PWWP3A: variants seen among roughly 807,000 people sequenced by gnomAD.
PWWP3A encodes PWWP domain-containing DNA repair factor 3A.
Under a neutral mutation model 79.0 loss-of-function variants are expected in PWWP3A, and 53 were observed. That is an observed-to-expected ratio of 0.67 (90% CI 0.54 to 0.84). The LOEUF is 0.84. Ranked by LOEUF, PWWP3A falls within the 40% of genes least tolerant of loss-of-function variation. The pLI is 0.00. For missense variants in PWWP3A, 973 were observed against 948.0 expected (o/e 1.03, Z -0.35); for synonymous variants, 443 against 394.4 (o/e 1.12, Z -1.46).
chr19:1,373,234 A>C (rs2082299910), intron 13 of PWWP3A, 74 bp downstream of exon 13: 1 of 1,364,072 alleles, frequency 7.3e-7, no homozygotes, highest in Admixed American at 1.9e-5. Flanking sequence ...ACCCACAGGC[A>C]GTTTGACTCC....
At position 1,360,942 on chromosome 19, in the gene PWWP3A, A is replaced by G. The variant is rs1210075619; in HGVS notation, c.1021A>G (p.Ser341Gly). The change falls in exon 5 of 14, where the codon AGC becomes GGC. Residue 341 changes from serine to glycine, a missense_variant. By Grantham distance (56) the Ser-to-Gly change is moderately conservative. Coordinates refer to ENST00000591337, the MANE Select transcript of PWWP3A (RefSeq NM_001369789.1). The surrounding 1 kb of genome is among the most constrained non-coding windows in gnomAD (Gnocchi z 4.4). ...GCCCAGAGAGTCTGTGACCCCGCGCAGCACCGCCAGGCTGGGCCCGCCTCC... is the reference window on the plus strand; with the variant it reads ...GCCCAGAGAGTCTGTGACCCCGCGCGGCACCGCCAGGCTGGGCCCGCCTCC... ...PGPRESVTPR[S>G]TARLGPPPSH... 4.0e-6 allele frequency: 6 copies of G among 1,505,700 alleles called. No homozygotes were observed. The Admixed American group carries it at 7.1e-5, about 18-fold the overall frequency. 93.3% of individuals were successfully genotyped at this position (1,505,700 alleles called of 1,614,324 possible).
At chr19:1,359,892 G>C in intron 4 of PWWP3A, 1 of 407,670 alleles carries the variant, frequency 2.5e-6, no homozygotes, top group Non-Finnish European at 4.3e-6. Context: ...AGCCAATCAG[G>C]TTAAGGTCAA....
At chr19:1,364,161 C>T (rs1253032144) in intron 6 of PWWP3A, 3 of 539,476 alleles carry the variant, frequency 5.6e-6, no homozygotes, top group Non-Finnish European at 1.1e-5. Flanking sequence ...AAGTGTCTTC[C>T]CGCGGGGTTT....
intron 12 of PWWP3A, chr19:1,371,296 C>T (rs760958251): frequency 2.5e-4 from 183 of 719,440 alleles, no homozygotes; most frequent in Middle Eastern, 2.5e-3. Flanking sequence ...TACTTGACCC[C>T]TGTGCAGAGA....
At position 1,360,553 on chromosome 19, in the gene PWWP3A, G is replaced by C. The variant is rs761027060; in HGVS notation, c.632G>C (p.Trp211Ser). 18 of 1,614,082 alleles carry C rather than the reference G, an allele frequency of 1.1e-5. No homozygotes were observed. The highest frequency in any genetic ancestry group is 6.7e-5 in the African/African-American group (5 of 74,944). Residue 211 changes from tryptophan to serine, a missense_variant, in exon 5 of 14, where the codon TGG (tryptophan) becomes TCG (serine). Trp to Ser is a radical substitution (Grantham distance 177, BLOSUM62 -3). Transcript: ENST00000591337. The surrounding 1 kb of genome is among the most constrained non-coding windows in gnomAD (Gnocchi z 4.4). ...GGGTCCAGAATCCACCACAAAAATTGGACTCTTGCAAGTAAGAGGGGAGGA... is the reference window on the plus strand; with the variant it reads ...GGGTCCAGAATCCACCACAAAAATTCGACTCTTGCAAGTAAGAGGGGAGGA... ...ESGSRIHHKN[W>S]TLASKRGGNS...
chr19:1,365,121 G>C (rs1226680417), intron 7 of PWWP3A, among the ~76,000 whole-genome samples: 1 of 152,130 alleles, frequency 6.6e-6, no homozygotes, highest in Admixed American at 6.5e-5. Context: ...CTCCGTCTCC[G>C]GGGGAAAGAA....
chr19:1,362,700 G>T (rs1190808749), intron 6 of PWWP3A, among the ~76,000 whole-genome samples: 1 of 152,250 alleles, frequency 6.6e-6, no homozygotes, highest in African/African-American at 2.4e-5. Flanking sequence ...TTGCTCGGGT[G>T]TGGCCACGTA....
intron 4 of PWWP3A, chr19:1,358,720 C>A: frequency 6.7e-7 from 1 of 1,485,078 alleles, no homozygotes; most frequent in Non-Finnish European, 9.0e-7. Flanking sequence ...AAGGTCATCT[C>A]GTACCCCCGT....
At chr19:1,375,046 C>T (rs907492831) in intron 13 of PWWP3A, among the ~76,000 whole-genome samples, 4 of 151,244 alleles carry the variant, frequency 2.6e-5, no homozygotes, top group Non-Finnish European at 5.9e-5. Context: ...TGGTGAAACC[C>T]CATCTCTACT....
chr19:1,361,541 C>T (rs1010868348), intron 5 of PWWP3A, among the ~76,000 whole-genome samples: 1 of 152,178 alleles, frequency 6.6e-6, no homozygotes, highest in Admixed American at 6.5e-5. Context: ...CTGTAGCATC[C>T]TTTATTTTTT....
intron 3 of PWWP3A, chr19:1,357,633 A>C (rs2081908202): frequency 6.6e-6 from 1 of 152,646 alleles, no homozygotes; most frequent in Non-Finnish European, 1.5e-5. Context: ...TGGCACTGGG[A>C]AAGGTGTAGA....
rs775367014 is a variant in PWWP3A, at chr19:1,360,288, C to T, written c.367C>T (p.Pro123Ser). 7 of 1,613,764 alleles carry T rather than the reference C, an allele frequency of 4.3e-6. No individual in the cohort carries two copies. The highest frequency in any genetic ancestry group is 5.9e-6 in the Non-Finnish European group (7 of 1,179,866). The change falls in exon 5 of 14, where the codon CCC (proline) becomes TCC (serine). Residue 123 changes from proline (P) to serine (S), a missense_variant. Physicochemically the swap from Pro to Ser is moderately conservative, Grantham distance 74. Transcript: ENST00000591337. The surrounding 1 kb of genome is among the most constrained non-coding windows in gnomAD (Gnocchi z 4.4). ...AGCTGACCGGTCTCTGCGAGGGAAG[C>T]CCATGGAGCATGTCTCCTCGCCCTG... ...GRADRSLRGKPMEHVSSPCDS... is the reference protein window; with the variant it reads ...GRADRSLRGKSMEHVSSPCDS...
At position 1,360,432 on chromosome 19, in the gene PWWP3A, G is replaced by T. The variant is rs779757665; in HGVS notation, c.511G>T (p.Glu171Ter). The change falls in exon 5 of 14, where the codon GAG becomes TAG. Residue 171 changes from glutamate to a stop codon, truncating the protein, a stop_gained. Coordinates refer to ENST00000591337, the MANE Select transcript of PWWP3A (RefSeq NM_001369789.1). LOFTEE classifies it high-confidence loss of function. The surrounding 1 kb of genome is among the most constrained non-coding windows in gnomAD (Gnocchi z 4.4). ...TTCGTTCACTTGTGAAAAGGACCCC[G>T]AGTGCAAAGTGGACCACAAGAAGGG... is the stretch of plus-strand genomic sequence containing the variant. ...SSSFTCEKDP[E>*]CKVDHKKGLR... 1.9e-6 allele frequency: 3 copies of T among 1,613,992 alleles called. No individual in the cohort carries two copies. The highest frequency in any genetic ancestry group is 2.5e-6 in the Non-Finnish European group (3 of 1,180,048).
chr19:1,357,497 G>A (rs1048909), intron 3 of PWWP3A: 25,259 of 149,658 alleles, frequency 0.17, 2,133 homozygotes, highest in Middle Eastern at 0.23. Flanking sequence ...TTTCAGAAAC[G>A]TCTGTGACAG....
At chr19:1,358,776 G>A in intron 4 of PWWP3A, 1 of 924,586 alleles carries the variant, frequency 1.1e-6, no homozygotes, top group Non-Finnish European at 1.6e-6. Flanking sequence ...GCCATAAGGG[G>A]GGAGGTCCTC....
rs1437599807 is a variant in PWWP3A, at chr19:1,373,048, A to G, written c.1987-24A>G. The G allele has an allele frequency of 2.5e-6, 4 of 1,611,212 alleles. No individual in the cohort carries two copies. In the East Asian group the frequency reaches 6.7e-5, roughly 27 times the overall value. ...GGCCAGTTGGGCAGTGCCTGCTGCT[A>G]TTGAGCCCCGTGCCCTCTCACAGGC... On this transcript the variant is annotated intron_variant, in intron 12 of 13. Transcript: ENST00000591337.
intron 1 of PWWP3A, 28 bp from the exon 2 acceptor site, chr19:1,356,296 A>G (rs753793830): frequency 2.4e-6 from 3 of 1,231,080 alleles, no homozygotes; most frequent in Admixed American, 1.7e-5. Flanking sequence ...AAACAGTTGT[A>G]TAAACCACCG....
At chr19:1,374,298 T>C (rs1470850903) in intron 13 of PWWP3A, 1 of 152,180 alleles carries the variant, frequency 6.6e-6, no homozygotes, top group Admixed American at 6.5e-5. Context: ...CTGGTGCTGA[T>C]GGAGAAGTTA....
intron 4 of PWWP3A, chr19:1,358,717 T>C: frequency 2.0e-6 from 3 of 1,492,290 alleles, no homozygotes; most frequent in South Asian, 1.2e-5. Flanking sequence ...ATCAAGGTCA[T>C]CTCGTACCCC....
Sources: allele counts gnomAD v4.1 joint callset (sites outside exome capture counted in the v4.1 genomes callset), GRCh38; gene constraint gnomAD v4.1.1; non-coding constraint Gnocchi (gnomAD v3.1); transcripts MANE v1.5; gene names NCBI Gene and HGNC (gene_info 2026-07-23, HGNC 2026-07-21).